Variants in INTS15 observed in about 807,000 individuals in gnomAD.
INTS15 encodes the protein uncharacterized protein C7orf26.
chr7:6,600,376 A>G, the INTS15 span: 7 of 1,598,796 alleles, frequency 4.4e-6, no homozygotes, highest in African/African-American at 8.0e-5. Context: ...TCCCTGGCCC[A>G]GGCCTCCTGG....
the INTS15 span, chr7:6,599,933 A>C: frequency 6.2e-7 from 1 of 1,614,226 alleles, no homozygotes; most frequent in Non-Finnish European, 8.5e-7. Context: ...GATTGCGGCC[A>C]ATCTGCCAAT....
At chr7:6,599,750 G>A in the INTS15 span, 2 of 1,432,258 alleles carry the variant, frequency 1.4e-6, no homozygotes, top group Non-Finnish European at 1.9e-6. Context: ...GGGCCTTGGG[G>A]TCAGGCTTCC....
the INTS15 span, among the ~76,000 whole-genome samples, chr7:6,590,807 C>T: frequency 2.0e-5 from 3 of 151,830 alleles, 1 homozygote; most frequent in East Asian, 5.8e-4. Context: ...GTATGGCTTT[C>T]TTCTTACATC....
chr7:6,602,083 G>C, the INTS15 span: 3 of 1,611,252 alleles, frequency 1.9e-6, no homozygotes, highest in East Asian at 2.2e-5. Flanking sequence ...CATTAATCTT[G>C]TATCTCCTTA....
the INTS15 span, chr7:6,607,410 G>T: frequency 1.8e-6 from 1 of 557,278 alleles, no homozygotes; most frequent in Non-Finnish European, 2.9e-6. The surrounding 1 kb of genome is among the most constrained non-coding windows in gnomAD (Gnocchi z 6.0). Flanking sequence ...CCCAAGAGTG[G>T]GGGCATCTGA....
chr7:6,602,380 G>T, the INTS15 span: 1 of 507,936 alleles, frequency 2.0e-6, no homozygotes, highest in Non-Finnish European at 3.5e-6. Flanking sequence ...AAGCTCCCTA[G>T]TGAAGGTGCA....
chr7:6,607,749 C>T, the INTS15 span: 1 of 1,495,458 alleles, frequency 6.7e-7, no homozygotes, highest in Non-Finnish European at 8.9e-7. This position sits in a 1 kb window ranked among gnomAD's most constrained non-coding sequence, Gnocchi z 6.0. Flanking sequence ...GGGCCACAGG[C>T]CCCGTGCAGA....
chr7:6,599,754 G>T, the INTS15 span: 1 of 1,467,902 alleles, frequency 6.8e-7, no homozygotes. Flanking sequence ...CTTGGGGTCA[G>T]GCTTCCCTCT....
chr7:6,590,085 C>T, the INTS15 span: 1 of 348,582 alleles, frequency 2.9e-6, no homozygotes, highest in Admixed American at 5.0e-5. Context: ...CGCAGTCGGA[C>T]CTTCGGGCGC....
the INTS15 span, chr7:6,590,114 A>G: frequency 4.4e-6 from 2 of 453,918 alleles, no homozygotes; most frequent in African/African-American, 4.1e-5. Flanking sequence ...CGGCGGCAGC[A>G]GCGATGGCCC....
At chr7:6,606,371 T>C in the INTS15 span, among the ~76,000 whole-genome samples, 11,844 of 139,608 alleles carry the variant, frequency 0.085, 887 homozygotes, top group African/African-American at 0.19. Flanking sequence ...CTTGATGGAG[T>C]ATGGGGGAGT....
chr7:6,599,704 G>C, the INTS15 span: 2 of 881,658 alleles, frequency 2.3e-6, no homozygotes, highest in Non-Finnish European at 1.8e-6. Flanking sequence ...GCTAAGCCAG[G>C]AGGCGTGATC....
the INTS15 span, chr7:6,607,570 C>A: frequency 1.1e-5 from 15 of 1,343,352 alleles, no homozygotes; most frequent in Admixed American, 4.5e-5. This position sits in a 1 kb window ranked among gnomAD's most constrained non-coding sequence, Gnocchi z 6.0. Flanking sequence ...GCAAGGCCAG[C>A]TTCCTGGGGC....
chr7:6,599,742 G>A, the INTS15 span: 1 of 1,338,596 alleles, frequency 7.5e-7, no homozygotes, highest in Non-Finnish European at 1.0e-6. Flanking sequence ...AGTGCCATGG[G>A]CCTTGGGGTC....
the INTS15 span, among the ~76,000 whole-genome samples, chr7:6,604,888 A>T: frequency 6.6e-6 from 1 of 152,064 alleles, no homozygotes; most frequent in African/African-American, 2.4e-5. Flanking sequence ...CTGGGATAAG[A>T]CTGTCCTGCG....
At chr7:6,608,076 A>AACCCCCCCCCCCCCCCCC in the INTS15 span, 3 of 1,143,486 alleles carry the variant, frequency 2.6e-6, no homozygotes, top group Non-Finnish European at 1.2e-6. Flanking sequence ...GTCCCGGCCC[A>AACCCCCCCCCCCCCCCCC]CCCCGCCGCC....
At chr7:6,596,862 C>T in the INTS15 span, among the ~76,000 whole-genome samples, 1 of 151,666 alleles carries the variant, frequency 6.6e-6, no homozygotes, top group Non-Finnish European at 1.5e-5. Context: ...GACTCAACTG[C>T]AAGCTCCGCC....
chr7:6,594,001 CTTTTT>C, the INTS15 span, among the ~76,000 whole-genome samples: 2 of 68,950 alleles, frequency 2.9e-5, no homozygotes, highest in African/African-American at 7.5e-5. Context: ...AAGCCTTTAA[CTTTTT>C]TTTTTTTTTT....
chr7:6,602,606 T>C, the INTS15 span: 1 of 458,064 alleles, frequency 2.2e-6, no homozygotes, highest in South Asian at 1.6e-5. Context: ...TTGACCTGTC[T>C]CTATGCCTCA....
Sources: allele counts gnomAD v4.1 joint callset (sites outside exome capture counted in the v4.1 genomes callset), GRCh38; gene constraint gnomAD v4.1.1; non-coding constraint Gnocchi (gnomAD v3.1); transcripts MANE v1.5; gene names NCBI Gene and HGNC (gene_info 2026-07-23, HGNC 2026-07-21).